Variants in ADH7 observed in about 807,000 individuals in gnomAD.
ADH7 encodes alcohol dehydrogenase 7 (class IV), mu or sigma polypeptide.
A neutral mutation model predicts 34.4 loss-of-function variants in ADH7; 41 were observed. The observed-to-expected ratio is 1.19, with a 90% confidence interval of 0.93 to 1.55. The LOEUF (loss-of-function observed/expected upper bound fraction) is 1.55, where lower values mean the gene tolerates loss of function less well. Ranked by LOEUF, ADH7 falls within the 40% of genes most tolerant of loss-of-function variation. ADH7 has a pLI of 0.00. For missense variants in ADH7, 540 were observed against 461.2 expected (o/e 1.17, Z -1.56); for synonymous variants, 180 against 160.9 (o/e 1.12, Z -0.90).
chr4:99,434,670 T>C (rs1349951867), intron 1 of ADH7, among the ~76,000 whole-genome samples: 1 of 152,176 alleles, frequency 6.6e-6, no homozygotes, highest in Non-Finnish European at 1.5e-5. Flanking sequence ...AATAATATAG[T>C]CTTGATTTTA....
chr4:99,424,112 C>T (rs1721739814), intron 5 of ADH7, among the ~76,000 whole-genome samples: 1 of 151,930 alleles, frequency 6.6e-6, no homozygotes, highest in East Asian at 1.9e-4. Flanking sequence ...GCCAGTTTTC[C>T]CAGCACCATT....
intron 1 of ADH7, chr4:99,430,229 C>T (rs1001043199): frequency 6.6e-6 from 1 of 152,292 alleles, no homozygotes; most frequent in African/African-American, 2.4e-5. Context: ...TGCATCTCTG[C>T]ATCCCATTTG....
chr4:99,422,424 G>T (rs1435183707), intron 5 of ADH7, among the ~76,000 whole-genome samples: 1 of 152,074 alleles, frequency 6.6e-6, no homozygotes, highest in East Asian at 1.9e-4. Flanking sequence ...AACACCACAT[G>T]TTCTCACTCA....
In ADH7 at chr4:99,428,567, A is replaced by G. The variant is rs1360746541; in HGVS notation, c.184T>C (p.Phe62Leu). 5.6e-6 allele frequency: 9 copies of G among 1,613,902 alleles called. No homozygotes were observed. The highest frequency in any genetic ancestry group is 7.6e-6 in the Non-Finnish European group (9 of 1,179,882). The change falls in exon 3 of 9, where the codon TTT becomes CTT. Residue 62 changes from phenylalanine (F) to leucine (L), a missense_variant. By Grantham distance (22) the Phe-to-Leu change is conservative. Coordinates refer to ENST00000437033, the MANE Select transcript of ADH7 (RefSeq NM_000673.7). Reference sequence around the variant, plus strand: ...GCCTCATGTCCCACAATCACTGGAAACTTGGACACCATTGTTCCTTTTATC... The same window carrying G: ...GCCTCATGTCCCACAATCACTGGAAGCTTGGACACCATTGTTCCTTTTATC... ...HVIKGTMVSK[F>L]PVIVGHEATG...
chr4:99,414,341 A>G (rs1721471633), intron 8 of ADH7, among the ~76,000 whole-genome samples: 1 of 152,162 alleles, frequency 6.6e-6, no homozygotes. Context: ...ATTAGTAAAA[A>G]TTTGGATCTC....
intron 7 of ADH7, among the ~76,000 whole-genome samples, chr4:99,416,719 T>C (rs147116688): frequency 2.6e-3 from 391 of 152,212 alleles, no homozygotes; most frequent in South Asian, 8.1e-3. Context: ...ATACTTAGGT[T>C]TCTATACCCA....
intron 1 of ADH7, among the ~76,000 whole-genome samples, chr4:99,429,908 A>G (rs1023222981): frequency 6.6e-6 from 1 of 152,118 alleles, no homozygotes; most frequent in African/African-American, 2.4e-5. Context: ...ACTTTTCCCA[A>G]CTTATTGATT....
chr4:99,424,030 T>A (rs542673537), intron 5 of ADH7, among the ~76,000 whole-genome samples: 1 of 152,054 alleles, frequency 6.6e-6, no homozygotes, highest in Non-Finnish European at 1.5e-5. Flanking sequence ...TTTAAGTCTT[T>A]AATCCATCTT....
chr4:99,428,453 C>A (rs1244329899), intron 3 of ADH7, 39 bp downstream of exon 3: 2 of 1,596,756 alleles, frequency 1.3e-6, no homozygotes, highest in Non-Finnish European at 1.7e-6. Context: ...TAATCAAAGC[C>A]TAATTATTTC....
intron 1 of ADH7, among the ~76,000 whole-genome samples, chr4:99,433,758 C>G (rs1224875234): frequency 6.6e-6 from 1 of 152,082 alleles, no homozygotes; most frequent in East Asian, 1.9e-4. Flanking sequence ...AGAAACCAAC[C>G]CTGATGACAC....
chr4:99,421,648 A>G (rs1721666245), intron 5 of ADH7, among the ~76,000 whole-genome samples: 2 of 152,366 alleles, frequency 1.3e-5, no homozygotes, highest in South Asian at 4.1e-4. Flanking sequence ...AAACTTGACA[A>G]ATGGGATCTA....
chr4:99,417,938 C>CT (rs961150588), intron 7 of ADH7, among the ~76,000 whole-genome samples: 4 of 152,256 alleles, frequency 2.6e-5, no homozygotes, highest in Admixed American at 1.3e-4. Context: ...TAGCCTCTTG[C>CT]TTTTTTATGC....
Position 99,420,787 on chromosome 4 carries a change from G to T in ADH7, c.571C>A (p.Pro191Thr), listed in dbSNP as rs748837724. The T allele has an allele frequency of 4.3e-6, 7 of 1,613,788 alleles. No individual in the cohort carries two copies. The highest frequency in any genetic ancestry group is 1.7e-5 in the Admixed American group (1 of 59,924). The change falls in exon 6 of 9, where the codon CCT becomes ACT. Residue 191 changes from proline to threonine, a missense_variant. Physicochemically the swap from Pro to Thr is conservative, Grantham distance 38. Transcript: ENST00000437033. ...GAAVKTGKVK[P>T]GSTCVVFGLG... ...CCAAAGACGACGCAAGTGGAACCAG[G>T]TTTGACCTGTGGAGAGGAATGTTCT...
chr4:99,415,823 G>A (rs1174517191), intron 7 of ADH7: 3 of 370,542 alleles, frequency 8.1e-6, no homozygotes, highest in Non-Finnish European at 1.4e-5. Flanking sequence ...TCCTTTGCAG[G>A]GACATGGATG....
At chr4:99,432,312 T>C (rs1721953601) in intron 1 of ADH7, among the ~76,000 whole-genome samples, 1 of 151,972 alleles carries the variant, frequency 6.6e-6, no homozygotes, top group African/African-American at 2.4e-5. Context: ...CAGGGCCCAT[T>C]TGAGGGTGGA....
rs1200287323 is a variant in ADH7 at position 99,415,729 on chromosome 4, A to G, written c.962-113T>C. The G allele has an allele frequency of 5.2e-6, 6 of 1,146,960 alleles. No homozygotes were observed. The East Asian group carries it at 1.5e-4, about 28-fold the overall frequency. 71.0% of individuals were successfully genotyped at this position (1,146,960 alleles called of 1,614,324 possible). A position where few individuals can be genotyped will look rare whatever the true frequency, so the allele number is the denominator to read the frequency against. On this transcript the variant is annotated intron_variant, in intron 7 of 8. Transcript: ENST00000437033. ...ACTATGACTTTCCCTGTGTTAGATCATTCCCAGCAGTGTACAAATAAGCTG... is the reference window on the plus strand; with the variant it reads ...ACTATGACTTTCCCTGTGTTAGATCGTTCCCAGCAGTGTACAAATAAGCTG...
chr4:99,414,438 G>A (rs1172552200), intron 8 of ADH7, among the ~76,000 whole-genome samples: 1 of 152,158 alleles, frequency 6.6e-6, no homozygotes, highest in African/African-American at 2.4e-5. Flanking sequence ...ATGAGTGAAA[G>A]TCATTTCATC....
At position 99,429,553 on chromosome 4, in the gene ADH7, C is replaced by G. The variant is rs146212255; in HGVS notation, c.99G>C (p.Lys33Asn). 1.9e-6 allele frequency: 3 copies of G among 1,611,952 alleles called. No homozygotes were observed. The Admixed American group carries it at 5.0e-5, about 27-fold the overall frequency. ...SIEEIEVAPP[K>N]TKEVRIKILA... ...TTACCTTAATGCGAACTTCTTTAGT[C>G]TTTGGTGGGGCAACTTCTATTTCCT... Residue 33 changes from lysine (K) to asparagine (N), a missense_variant, in exon 2 of 9, where the codon AAG becomes AAC. Lys to Asn is a moderately conservative substitution (Grantham distance 94, BLOSUM62 0). Coordinates refer to ENST00000437033, the MANE Select transcript of ADH7 (RefSeq NM_000673.7).
chr4:99,419,237 T>C, intron 6 of ADH7, 116 bp from the exon 7 acceptor site: 2 of 1,302,222 alleles, frequency 1.5e-6, no homozygotes, highest in Non-Finnish European at 1.0e-6. Flanking sequence ...GCCACCTTGT[T>C]TTTTACTTGC....
Sources: allele counts gnomAD v4.1 joint callset (sites outside exome capture counted in the v4.1 genomes callset), GRCh38; gene constraint gnomAD v4.1.1; transcripts MANE v1.5; gene names NCBI Gene and HGNC (gene_info 2026-07-23, HGNC 2026-07-21).